The following CDK17 variants were observed in gnomAD, a reference collection of about 807,000 sequenced individuals.
The protein encoded by CDK17 is cyclin dependent kinase 17.
A neutral mutation model predicts 77.6 loss-of-function variants in CDK17; 24 were observed. The ratio of observed to expected loss-of-function variants is 0.31; its 90% CI spans 0.22 to 0.44. The LOEUF is 0.44. Among genes scored for constraint, CDK17 ranks in the 20% least tolerant of loss-of-function variants. The pLI is 1.00. For missense variants in CDK17, 429 were observed against 622.5 expected, an observed-to-expected ratio of 0.69 and a Z score of 3.31; for synonymous variants, 203 against 210.4, an observed-to-expected ratio of 0.96 and a Z score of 0.30.
intron 5 of CDK17, among the ~76,000 whole-genome samples, chr12:96,302,225 C>T (rs1268461642): frequency 6.6e-6 from 1 of 151,982 alleles, no homozygotes; most frequent in Non-Finnish European, 1.5e-5. Context: ...TTTTAAAATA[C>T]AAGTGAAGTT....
rs1952152858 is a variant in CDK17, at chr12:96,279,913, A to G, written c.*329T>C. On this transcript the variant is annotated 3_prime_UTR_variant, in exon 17 of 17. Coordinates refer to ENST00000261211, the MANE Select transcript of CDK17 (RefSeq NM_002595.5). ...TTGTTGTGTTAAATAAACAGACAGT[A>G]GTTATTTAGCAGCAATGATTCCGCA... 1 of 225,052 alleles carries G rather than the reference A, an allele frequency of 4.4e-6. No individual in the cohort carries two copies. Among genetic ancestry groups the G allele is most frequent in the African/African-American group, 2.3e-5 (1 of 44,130 alleles). The allele number at this position is 225,052 out of a possible 1,614,324, so 13.9% of individuals were successfully genotyped here.
chr12:96,323,767 C>T (rs893189170), intron 3 of CDK17, among the ~76,000 whole-genome samples, 181 bp downstream of exon 3: 6 of 152,170 alleles, frequency 3.9e-5, no homozygotes, highest in Non-Finnish European at 7.3e-5. Flanking sequence ...ATATTACTTC[C>T]CTGTATTGTC....
chr12:96,388,467 G>T (rs771685197), intron 1 of CDK17, among the ~76,000 whole-genome samples: 1 of 152,094 alleles, frequency 6.6e-6, no homozygotes, highest in Non-Finnish European at 1.5e-5. Context: ...CTACAGTTAC[G>T]CTCAAATCTG....
chr12:96,363,730 G>A (rs145480187), intron 1 of CDK17, among the ~76,000 whole-genome samples: 158 of 151,794 alleles, frequency 1.0e-3, no homozygotes, highest in Non-Finnish European at 1.6e-3. Context: ...TGTGCCTGTA[G>A]TCCCAGCTAC....
intron 1 of CDK17, among the ~76,000 whole-genome samples, chr12:96,366,986 A>G (rs1953595056): frequency 6.6e-6 from 1 of 152,110 alleles, no homozygotes; most frequent in Non-Finnish European, 1.5e-5. Context: ...ATTTCACTGT[A>G]ACTCAGTATG....
chr12:96,316,620 G>A (rs1952724379), intron 3 of CDK17, among the ~76,000 whole-genome samples: 2 of 135,098 alleles, frequency 1.5e-5, no homozygotes, highest in Admixed American at 8.0e-5. Context: ...AGAACGGGCA[G>A]ACTGCCTCCT....
rs1227950481 is a variant in CDK17, at chr12:96,310,904, T to C, written c.543+148A>G. 4 of 786,950 alleles carry C rather than the reference T, an allele frequency of 5.1e-6. No individual in the cohort carries two copies. In the African/African-American group the frequency reaches 5.6e-5, roughly 11 times the overall value. The allele number at this position is 786,950 out of a possible 1,614,324, so 48.7% of individuals were successfully genotyped here. A position where few individuals can be genotyped will look rare whatever the true frequency, so the allele number is the denominator to read the frequency against. ...AAGGACTCCAATAAACCTTTAAGAA[T>C]GGAAAATAATAAAAATCGAGAAGGC... is the stretch of plus-strand genomic sequence containing the variant. On this transcript the variant is annotated intron_variant, in intron 5 of 16. Coordinates refer to ENST00000261211, the MANE Select transcript of CDK17 (RefSeq NM_002595.5).
At chr12:96,302,179 T>C (rs1159833641) in intron 5 of CDK17, among the ~76,000 whole-genome samples, 4 of 152,094 alleles carry the variant, frequency 2.6e-5, no homozygotes, top group Non-Finnish European at 5.9e-5. Context: ...TCAATAACTA[T>C]GCAAAATAAA....
At chr12:96,284,765 T>C (rs896188502) in intron 13 of CDK17, among the ~76,000 whole-genome samples, 85 of 152,076 alleles carry the variant, frequency 5.6e-4, no homozygotes, top group African/African-American at 2.0e-3. Flanking sequence ...GGTTTCTCCA[T>C]GTTGGTCAGG....
chr12:96,372,011 T>TTGTG (rs992158332), intron 1 of CDK17, among the ~76,000 whole-genome samples: 11 of 9,168 alleles, frequency 1.2e-3, no homozygotes, highest in African/African-American at 2.0e-3. Flanking sequence ...GAGTGTGTGT[T>TTGTG]TGTGTGTGTG....
chr12:96,396,543 T>C (rs1442981881), intron 1 of CDK17, among the ~76,000 whole-genome samples: 1 of 152,200 alleles, frequency 6.6e-6, no homozygotes, highest in Admixed American at 6.5e-5. Context: ...GCATTTAAAA[T>C]GCAAAATGCC....
intron 3 of CDK17, among the ~76,000 whole-genome samples, chr12:96,322,078 C>A (rs982348854): frequency 6.6e-6 from 1 of 152,114 alleles, no homozygotes; most frequent in Non-Finnish European, 1.5e-5. Flanking sequence ...CTGACCCAAA[C>A]AAGAAATTAC....
At chr12:96,356,833 T>C (rs545635754) in intron 1 of CDK17, among the ~76,000 whole-genome samples, 1 of 152,370 alleles carries the variant, frequency 6.6e-6, no homozygotes, top group East Asian at 1.9e-4. Flanking sequence ...TTTCATTATT[T>C]TCTTTAAACA....
chr12:96,351,728 T>C (rs1365313597), intron 1 of CDK17, among the ~76,000 whole-genome samples: 1 of 152,242 alleles, frequency 6.6e-6, no homozygotes, highest in Non-Finnish European at 1.5e-5. Flanking sequence ...CAGGCATTTA[T>C]ATCAGTTTTC....
chr12:96,389,131 AT>A (rs200539111), intron 1 of CDK17, among the ~76,000 whole-genome samples: 9,545 of 142,330 alleles, frequency 0.067, 385 homozygotes, highest in East Asian at 0.13. Context: ...TGCTCAACTA[AT>A]TTTTTTTTTT....
At chr12:96,393,429 T>G (rs1954109604) in intron 1 of CDK17, among the ~76,000 whole-genome samples, 1 of 146,598 alleles carries the variant, frequency 6.8e-6, no homozygotes. Flanking sequence ...GGAATCCAAT[T>G]TTACTTCAGA....
At chr12:96,389,020 C>CT (rs1180336288) in intron 1 of CDK17, among the ~76,000 whole-genome samples, 3 of 136,120 alleles carry the variant, frequency 2.2e-5, no homozygotes, top group African/African-American at 7.8e-5. Flanking sequence ...CCAGGCCTCA[C>CT]TTTTTTTTAT....
chr12:96,389,051 G>T (rs975949980), intron 1 of CDK17, among the ~76,000 whole-genome samples: 2 of 149,768 alleles, frequency 1.3e-5, no homozygotes, highest in Non-Finnish European at 3.0e-5. Flanking sequence ...ATTATTTTTT[G>T]AGACAGGCTC....
At chr12:96,370,088 A>T (rs1408151920) in intron 1 of CDK17, among the ~76,000 whole-genome samples, 1 of 152,256 alleles carries the variant, frequency 6.6e-6, no homozygotes, top group Non-Finnish European at 1.5e-5. Context: ...GTCACTGCAG[A>T]GTAACAAGGA....
Sources: gnomAD v4.1 joint callset for allele counts (sites outside exome capture counted in the v4.1 genomes callset) on GRCh38, gnomAD v4.1.1 for gene constraint, MANE v1.5 for transcripts, NCBI Gene and HGNC (gene_info 2026-07-23, HGNC 2026-07-21) for gene names.